FOCAD: variants seen among roughly 807,000 people sequenced by gnomAD.
FOCAD encodes the protein focadhesin, also known as KIAA1797.
FOCAD carries 198 observed loss-of-function variants against 225.6 expected under a neutral mutation model. The ratio of observed to expected loss-of-function variants is 0.88; its 90% CI spans 0.78 to 0.99. FOCAD has a LOEUF of 0.99. Ranked by LOEUF, FOCAD falls within the 50% of genes least tolerant of loss-of-function variation. The pLI is 0.00. For missense variants in FOCAD, 2,713 were observed against 2,123.6 expected (o/e 1.28, Z -5.46); for synonymous variants, 897 against 755.0 (o/e 1.19, Z -3.08).
chr9:20,810,044 C>T (rs1032501557), intron 11 of FOCAD, among the ~76,000 whole-genome samples: 4 of 152,104 alleles, frequency 2.6e-5, no homozygotes, highest in Non-Finnish European at 5.9e-5. Context: ...CAGCATAGAG[C>T]TGTAACCATG....
At chr9:20,750,074 G>C (rs543633736) in intron 5 of FOCAD, among the ~76,000 whole-genome samples, 1 of 152,288 alleles carries the variant, frequency 6.6e-6, no homozygotes, top group African/African-American at 2.4e-5. Context: ...TACCAACTCT[G>C]TGTGCTTCCT....
chr9:20,692,544 G>A (rs983830383), intron 1 of FOCAD, among the ~76,000 whole-genome samples: 1 of 152,182 alleles, frequency 6.6e-6, no homozygotes, highest in East Asian at 1.9e-4. Context: ...GTGGTTGGCA[G>A]CTTAGGTTGG....
chr9:20,982,521 T>C (rs1840793137), intron 39 of FOCAD, 75 bp downstream of exon 39: 2 of 1,228,358 alleles, frequency 1.6e-6, no homozygotes, highest in East Asian at 2.4e-5. Context: ...TTTCAGTGTT[T>C]GGCTGAAGCA....
intron 15 of FOCAD, among the ~76,000 whole-genome samples, chr9:20,854,150 C>T (rs577926857): frequency 5.3e-5 from 8 of 151,640 alleles, no homozygotes; most frequent in Admixed American, 1.3e-4. Flanking sequence ...AGAATCAGGA[C>T]AAAAGGAGTA....
intron 1 of FOCAD, among the ~76,000 whole-genome samples, chr9:20,688,431 G>T (rs1043593841): frequency 2.0e-5 from 3 of 152,176 alleles, no homozygotes; most frequent in Non-Finnish European, 4.4e-5. Flanking sequence ...AGCAATATCA[G>T]ATGTATGGGG....
At chr9:20,892,628 G>C (rs1831714986) in intron 21 of FOCAD, among the ~76,000 whole-genome samples, 1 of 152,082 alleles carries the variant, frequency 6.6e-6, no homozygotes, top group African/African-American at 2.4e-5. Context: ...GGGATGAACA[G>C]AGTGGTTTCT....
chr9:20,681,632 A>C (rs917868741), upstream of FOCAD, among the ~76,000 whole-genome samples: 1 of 152,230 alleles, frequency 6.6e-6, no homozygotes, highest in African/African-American at 2.4e-5. Context: ...GTGGCTGCTG[A>C]CTTGGTCTCC....
intron 5 of FOCAD, among the ~76,000 whole-genome samples, chr9:20,752,141 G>A (rs1281098510): frequency 6.7e-6 from 1 of 150,090 alleles, no homozygotes; most frequent in African/African-American, 2.5e-5. Flanking sequence ...TTCTTTTGCT[G>A]TGCAGAAGCT....
chr9:20,724,682 C>T (rs1302493261), intron 4 of FOCAD, among the ~76,000 whole-genome samples: 1 of 151,870 alleles, frequency 6.6e-6, no homozygotes, highest in Non-Finnish European at 1.5e-5. Flanking sequence ...AGTAGCAGAA[C>T]TTTGCGGTGT....
intron 1 of FOCAD, among the ~76,000 whole-genome samples, chr9:20,696,344 A>G (rs1563884881): frequency 6.6e-6 from 1 of 152,348 alleles, no homozygotes; most frequent in South Asian, 2.1e-4. Context: ...ACAGACACAC[A>G]CACACACAAT....
Position 20,885,684 on chromosome 9 carries a change from C to A in FOCAD, c.2625+454C>A, listed in dbSNP as rs1831049649. Among the ~76,000 whole-genome samples, 5 of 152,030 alleles carry A rather than the reference C, an allele frequency of 3.3e-5. No homozygotes were observed. The South Asian group carries it at 1.0e-3, about 31-fold the overall frequency. On this transcript the variant is annotated intron_variant, in intron 21 of 43. Coordinates refer to ENST00000338382, the MANE Select transcript of FOCAD (RefSeq NM_001375567.1). ...TTTATTTTACTTTTCCTTTCAGCTA[C>A]CTTTTAAAAATAAAGTTCTGTGATT...
At chr9:20,925,629 C>G (rs896452268) in intron 25 of FOCAD, among the ~76,000 whole-genome samples, 2 of 152,136 alleles carry the variant, frequency 1.3e-5, no homozygotes, top group South Asian at 2.1e-4. Context: ...TACAATAATT[C>G]CAGTTACCAT....
intron 3 of FOCAD, among the ~76,000 whole-genome samples, chr9:20,718,665 T>A (rs1269235998): frequency 2.0e-5 from 3 of 152,218 alleles, no homozygotes; most frequent in Non-Finnish European, 4.4e-5. Context: ...TATGTAGTCA[T>A]ATAAATTAGG....
intron 15 of FOCAD, among the ~76,000 whole-genome samples, chr9:20,848,288 A>G (rs978766286): frequency 1.3e-5 from 2 of 152,032 alleles, no homozygotes; most frequent in Non-Finnish European, 2.9e-5. Context: ...AGGCCTGTCC[A>G]GTTAAATTCT....
chr9:20,961,282 G>C (rs1475548083), intron 35 of FOCAD, among the ~76,000 whole-genome samples: 5 of 149,818 alleles, frequency 3.3e-5, no homozygotes, highest in African/African-American at 4.9e-5. Flanking sequence ...CTATTATTTT[G>C]ATCTTTAACT....
At chr9:20,682,898 G>A (rs979269371), upstream of FOCAD, among the ~76,000 whole-genome samples, 21 of 152,258 alleles carry the variant, frequency 1.4e-4, no homozygotes, top group African/African-American at 4.3e-4. Flanking sequence ...AGCCTCCTGA[G>A]TAGAGTAGCC....
In FOCAD at chr9:20,933,107, T is replaced by C. The variant is rs1564171378; in HGVS notation, c.3407+4T>C. ...TTGACACTAGTCTTGAATACAAGTA[T>C]GTTGTTCCTATTTCCACTCTCACAG... On this transcript the variant is annotated splice_donor_region_variant and intron_variant, in intron 28 of 43. Coordinates refer to ENST00000338382, the MANE Select transcript of FOCAD (RefSeq NM_001375567.1). The C allele has an allele frequency of 1.9e-6, 3 of 1,609,314 alleles. No individual in the cohort carries two copies. Among genetic ancestry groups the C allele is most frequent in the Admixed American group, 1.7e-5 (1 of 60,014 alleles).
intron 27 of FOCAD, 97 bp downstream of exon 27, chr9:20,929,693 C>A: frequency 1.0e-6 from 1 of 960,330 alleles, no homozygotes; most frequent in Middle Eastern, 2.8e-4. Context: ...TGTATCTGAG[C>A]AATATGTGTT....
intron 35 of FOCAD, among the ~76,000 whole-genome samples, chr9:20,954,270 A>T (rs1837941366): frequency 6.6e-6 from 1 of 152,204 alleles, no homozygotes; most frequent in South Asian, 2.1e-4. Flanking sequence ...TAAAATAAAT[A>T]TTATAGTAGA....
Sources: gnomAD v4.1 joint callset for allele counts (sites outside exome capture counted in the v4.1 genomes callset) on GRCh38, gnomAD v4.1.1 for gene constraint, MANE v1.5 for transcripts, NCBI Gene and HGNC (gene_info 2026-07-23, HGNC 2026-07-21) for gene names.